Variants in PRKD1 observed in about 807,000 individuals in gnomAD.
PRKD1 encodes protein kinase D1.
A neutral mutation model predicts 95.9 loss-of-function variants in PRKD1; 63 were observed. The observed-to-expected ratio is 0.66, with a 90% CI of 0.54 to 0.81. The LOEUF is 0.81. Among genes scored for constraint, PRKD1 ranks in the 30% least tolerant of loss-of-function variants. PRKD1 has a pLI of 0.00. For synonymous variants in PRKD1, 425 were observed against 423.1 expected (o/e 1.00, Z -0.05); for missense variants, 1,048 against 1,165.3 (o/e 0.90, Z 1.47).
chr14:29,634,805 G>A (rs1376051120), intron 7 of PRKD1, among the ~76,000 whole-genome samples: 12 of 151,990 alleles, frequency 7.9e-5, no homozygotes, highest in Admixed American at 5.2e-4. Context: ...AGGCCGAGGC[G>A]GGTGGATCAC....
At chr14:29,864,551 C>T (rs1339614640) in intron 1 of PRKD1, among the ~76,000 whole-genome samples, 1 of 152,016 alleles carries the variant, frequency 6.6e-6, no homozygotes, top group Non-Finnish European at 1.5e-5. Context: ...AAAAATACCC[C>T]CCTTCATCAT....
intron 1 of PRKD1, among the ~76,000 whole-genome samples, chr14:29,791,844 A>T (rs1889560620): frequency 6.6e-6 from 1 of 152,142 alleles, no homozygotes; most frequent in Admixed American, 6.5e-5. Context: ...CTCTTAAGTA[A>T]GTACATACTC....
intron 1 of PRKD1, among the ~76,000 whole-genome samples, chr14:29,767,558 T>C (rs936956774): frequency 6.6e-5 from 10 of 152,174 alleles, no homozygotes; most frequent in Non-Finnish European, 1.5e-4. Flanking sequence ...TCAACTGTTG[T>C]TCAAAGGACA....
At chr14:29,773,904 C>T (rs1217443246) in intron 1 of PRKD1, among the ~76,000 whole-genome samples, 2 of 152,192 alleles carry the variant, frequency 1.3e-5, no homozygotes, top group Non-Finnish European at 1.5e-5. Flanking sequence ...CTTCTACCCT[C>T]CAGGACCTCA....
At chr14:29,581,992 A>G (rs1163691537) in intron 16 of PRKD1, among the ~76,000 whole-genome samples, 2 of 152,082 alleles carry the variant, frequency 1.3e-5, no homozygotes, top group African/African-American at 4.8e-5. Flanking sequence ...TATGTAGCTC[A>G]TATTTACCAT....
At chr14:29,895,331 A>T (rs919663419) in intron 1 of PRKD1, among the ~76,000 whole-genome samples, 20 of 152,074 alleles carry the variant, frequency 1.3e-4, no homozygotes, top group African/African-American at 4.6e-4. Context: ...ACAAACAAAC[A>T]AACAAAAAAC....
chr14:29,727,074 T>G (rs1027478227), intron 1 of PRKD1, among the ~76,000 whole-genome samples: 10 of 152,160 alleles, frequency 6.6e-5, no homozygotes, highest in African/African-American at 2.4e-4. Context: ...TTTCCTGACT[T>G]TTTAATGATT....
chr14:29,642,932 A>G, intron 4 of PRKD1, among the ~76,000 whole-genome samples: 1 of 150,992 alleles, frequency 6.6e-6, no homozygotes, highest in East Asian at 1.9e-4. Context: ...TTTTAATGAG[A>G]AGAGGAGGGA....
chr14:29,702,929 A>G (rs1884911062), intron 2 of PRKD1, among the ~76,000 whole-genome samples: 1 of 152,228 alleles, frequency 6.6e-6, no homozygotes, highest in South Asian at 2.1e-4. Flanking sequence ...TTTTAGAATG[A>G]TATTTTAAAA....
intron 13 of PRKD1, among the ~76,000 whole-genome samples, chr14:29,620,263 A>C (rs28498661): frequency 2.7e-5 from 4 of 150,732 alleles, no homozygotes; most frequent in Non-Finnish European, 5.9e-5. Context: ...CATAGGCATG[A>C]GCAAGGACTT....
intron 1 of PRKD1, among the ~76,000 whole-genome samples, chr14:29,859,892 A>G (rs1325551220): frequency 1.3e-5 from 2 of 152,202 alleles, no homozygotes; most frequent in African/African-American, 4.8e-5. Context: ...TACTCAGTCT[A>G]AGATATTTCT....
intron 2 of PRKD1, among the ~76,000 whole-genome samples, chr14:29,716,192 T>C (rs998154444): frequency 6.6e-6 from 1 of 152,138 alleles, no homozygotes; most frequent in Non-Finnish European, 1.5e-5. Flanking sequence ...AGCACAGTAA[T>C]AGATGAAAAG....
chr14:29,924,407 G>T (rs1046944727), intron 1 of PRKD1, among the ~76,000 whole-genome samples: 2 of 152,140 alleles, frequency 1.3e-5, no homozygotes, highest in African/African-American at 2.4e-5. Flanking sequence ...ATAATTTACA[G>T]GTGAGTTTCT....
At chr14:29,759,225 A>G (rs958951837) in intron 1 of PRKD1, among the ~76,000 whole-genome samples, 5 of 152,194 alleles carry the variant, frequency 3.3e-5, no homozygotes, top group Non-Finnish European at 7.3e-5. Context: ...GCTAGTAAGA[A>G]GAAGTATATT....
At chr14:29,764,121 C>T (rs1475922086) in intron 1 of PRKD1, among the ~76,000 whole-genome samples, 1 of 151,806 alleles carries the variant, frequency 6.6e-6, no homozygotes, top group African/African-American at 2.4e-5. Flanking sequence ...CGGGTCTTAT[C>T]CTAGAGATAG....
intron 2 of PRKD1, among the ~76,000 whole-genome samples, chr14:29,689,776 G>T (rs932456767): frequency 6.6e-6 from 1 of 152,182 alleles, no homozygotes; most frequent in Admixed American, 6.5e-5. Flanking sequence ...TACATACCAT[G>T]GAATACTATG....
intron 14 of PRKD1, among the ~76,000 whole-genome samples, chr14:29,599,340 G>C (rs1401265959): frequency 6.6e-6 from 1 of 152,124 alleles, no homozygotes; most frequent in Admixed American, 6.6e-5. Context: ...GACAGATGTA[G>C]ATAAAAGACC....
At chr14:29,773,762 A>G (rs927727287) in intron 1 of PRKD1, among the ~76,000 whole-genome samples, 1 of 152,220 alleles carries the variant, frequency 6.6e-6, no homozygotes, top group Non-Finnish European at 1.5e-5. Flanking sequence ...TAAATTCATA[A>G]GAGACTGCAA....
chr14:29,609,896 C>T (rs909646533), intron 13 of PRKD1, among the ~76,000 whole-genome samples: 6 of 151,910 alleles, frequency 3.9e-5, no homozygotes, highest in African/African-American at 7.3e-5. Flanking sequence ...CCACACACCT[C>T]GCAGTCATTC....
Sources: allele counts gnomAD v4.1 joint callset (sites outside exome capture counted in the v4.1 genomes callset), GRCh38; gene constraint gnomAD v4.1.1; transcripts MANE v1.5; gene names NCBI Gene and HGNC (gene_info 2026-07-23, HGNC 2026-07-21).